Variants in GALNTL6 observed in about 807,000 individuals in gnomAD.
GALNTL6 encodes polypeptide N-acetylgalactosaminyltransferase like 6, also known as polypeptide N-acetylgalactosaminyltransferase-like 6.
GALNTL6 carries 46 observed loss-of-function variants against 73.7 expected under a neutral mutation model. The observed-to-expected ratio is 0.62, with a 90% CI of 0.49 to 0.80. GALNTL6 has a LOEUF of 0.80. GALNTL6 is among the 30% of genes least tolerant of loss of function. The pLI is 0.00. For synonymous variants in GALNTL6, 259 were observed against 263.7 expected, an observed-to-expected ratio of 0.98 and a Z score of 0.17; for missense variants, 604 against 755.0, an observed-to-expected ratio of 0.80 and a Z score of 2.34.
At chr4:172,833,579 AATT>A (rs1742754285) in intron 7 of GALNTL6, among the ~76,000 whole-genome samples, 1 of 152,136 alleles carries the variant, frequency 6.6e-6, no homozygotes, top group Non-Finnish European at 1.5e-5. Flanking sequence ...GCTCCATAAG[AATT>A]AGGAACAAGG....
chr4:172,825,733 A>G (rs1249570658), intron 7 of GALNTL6, among the ~76,000 whole-genome samples: 1 of 152,202 alleles, frequency 6.6e-6, no homozygotes, highest in Admixed American at 6.5e-5. Flanking sequence ...GCAGGTTTGA[A>G]TACCATGTAA....
intron 5 of GALNTL6, among the ~76,000 whole-genome samples, chr4:172,445,278 A>G (rs998862929): frequency 1.3e-5 from 2 of 152,138 alleles, no homozygotes; most frequent in Admixed American, 1.3e-4. Flanking sequence ...AAATAATTTA[A>G]ATGATTTATC....
chr4:172,622,672 A>C (rs1739010163), intron 5 of GALNTL6, among the ~76,000 whole-genome samples: 1 of 152,136 alleles, frequency 6.6e-6, no homozygotes, highest in South Asian at 2.1e-4. Flanking sequence ...TGAGAGGCTG[A>C]TAGGAATAGG....
intron 5 of GALNTL6, among the ~76,000 whole-genome samples, chr4:172,419,840 T>G (rs1345155107): frequency 6.6e-6 from 1 of 152,170 alleles, no homozygotes; most frequent in Non-Finnish European, 1.5e-5. Context: ...GTTTATTTGC[T>G]TACTTTTATG....
chr4:172,217,773 G>C (rs1736542783), intron 2 of GALNTL6, among the ~76,000 whole-genome samples: 1 of 152,094 alleles, frequency 6.6e-6, no homozygotes, highest in Non-Finnish European at 1.5e-5. Flanking sequence ...TGTTATGCTT[G>C]ATTTGTCTCG....
chr4:172,203,063 A>G (rs1736005904), intron 2 of GALNTL6, among the ~76,000 whole-genome samples: 1 of 152,230 alleles, frequency 6.6e-6, no homozygotes, highest in African/African-American at 2.4e-5. Context: ...GTTGGTCAAT[A>G]TTAAAATGTG....
intron 5 of GALNTL6, among the ~76,000 whole-genome samples, chr4:172,431,057 T>C (rs1028693073): frequency 1.3e-5 from 2 of 152,180 alleles, no homozygotes; most frequent in Admixed American, 6.6e-5. Flanking sequence ...ATTATACTTA[T>C]TTTTTCTTTT....
chr4:171,974,767 A>C (rs866002637), intron 2 of GALNTL6, among the ~76,000 whole-genome samples: 2 of 152,134 alleles, frequency 1.3e-5, no homozygotes, highest in African/African-American at 4.8e-5. Context: ...TGTTACTTTT[A>C]TGAATTTTGC....
At chr4:172,264,587 T>TGCCA (rs1266161869) in intron 3 of GALNTL6, among the ~76,000 whole-genome samples, 2 of 86,782 alleles carry the variant, frequency 2.3e-5, no homozygotes, top group African/African-American at 8.9e-5. Flanking sequence ...TATATATATA[T>TGCCA]ATATATTTGG....
intron 8 of GALNTL6, among the ~76,000 whole-genome samples, chr4:172,887,671 A>G (rs1258342572): frequency 6.6e-6 from 1 of 151,688 alleles, no homozygotes; most frequent in East Asian, 1.9e-4. Context: ...TCAAGTAATT[A>G]TCCTGCCTCA....
chr4:172,188,801 G>C (rs1028947834), intron 2 of GALNTL6, among the ~76,000 whole-genome samples: 5 of 152,144 alleles, frequency 3.3e-5, no homozygotes, highest in Admixed American at 6.5e-5. Context: ...TCTGCTGAGG[G>C]AAGAGTGTAG....
chr4:171,926,571 A>T (rs990330167), intron 2 of GALNTL6, among the ~76,000 whole-genome samples: 1 of 152,154 alleles, frequency 6.6e-6, no homozygotes, highest in African/African-American at 2.4e-5. Context: ...CCTGGCTTCC[A>T]TGAATATAAA....
rs77670522 is a variant in GALNTL6, at chr4:171,888,078, T to C, written c.138+73360T>C. On this transcript the variant is annotated intron_variant, in intron 2 of 12. Coordinates refer to ENST00000506823, the MANE Select transcript of GALNTL6 (RefSeq NM_001034845.3). ...TATGTTCTGAATTAATCAAAGTTGT[T>C]TGACAAAGCAATACTTATTGCAGAT... is the stretch of plus-strand genomic sequence containing the variant. 7.3e-3 allele frequency among the ~76,000 whole-genome samples: 1,110 copies of C among 152,224 alleles called. 16 individuals are homozygous for C. The highest frequency in any genetic ancestry group is 0.025 in the African/African-American group (1,036 of 41,552).
chr4:171,939,256 CTGA>C (rs1190276582), intron 2 of GALNTL6, among the ~76,000 whole-genome samples: 1 of 152,002 alleles, frequency 6.6e-6, no homozygotes, highest in Non-Finnish European at 1.5e-5. Context: ...GCTTCCTGCA[CTGA>C]TGATTTTGCC....
chr4:172,649,421 C>T (rs1166746992), intron 5 of GALNTL6, among the ~76,000 whole-genome samples: 3 of 152,226 alleles, frequency 2.0e-5, no homozygotes, highest in East Asian at 3.9e-4. Flanking sequence ...GTTACACTAA[C>T]CGATTATGGT....
chr4:171,923,398 G>GT (rs565298275), intron 2 of GALNTL6, among the ~76,000 whole-genome samples: 62,091 of 124,086 alleles, frequency 0.5, 16,232 homozygotes, highest in East Asian at 0.63. Context: ...CCCTGACTTT[G>GT]TTTTTTTTTT....
chr4:171,921,925 T>C (rs747219683), intron 2 of GALNTL6, among the ~76,000 whole-genome samples: 6 of 152,062 alleles, frequency 3.9e-5, no homozygotes, highest in Non-Finnish European at 8.8e-5. Context: ...ATATATATTA[T>C]GTTATGATTA....
At chr4:172,831,358 C>G (rs192585125) in intron 7 of GALNTL6, among the ~76,000 whole-genome samples, 1 of 151,892 alleles carries the variant, frequency 6.6e-6, no homozygotes. Context: ...CATAAACACC[C>G]GCAACACACC....
chr4:171,974,357 C>T (rs1024099439), intron 2 of GALNTL6, among the ~76,000 whole-genome samples: 7 of 152,130 alleles, frequency 4.6e-5, no homozygotes, highest in Admixed American at 1.3e-4. Flanking sequence ...CAGCTGAAGT[C>T]GACCATTTAT....
Sources: allele counts gnomAD v4.1 joint callset (sites outside exome capture counted in the v4.1 genomes callset), GRCh38; gene constraint gnomAD v4.1.1; transcripts MANE v1.5; gene names NCBI Gene and HGNC (gene_info 2026-07-23, HGNC 2026-07-21).